Variants in NFYA observed in about 807,000 individuals in gnomAD.
NFYA encodes nuclear transcription factor Y subunit alpha.
In NFYA, 28 loss-of-function variants were observed where a neutral mutation model predicts 52.8. The ratio of observed to expected loss-of-function variants is 0.53; its 90% CI spans 0.39 to 0.73. The LOEUF (loss-of-function observed/expected upper bound fraction) is 0.73, where lower values mean the gene tolerates loss of function less well. NFYA is among the 30% of genes least tolerant of loss of function. NFYA has a pLI of 0.00. For synonymous variants in NFYA, 150 were observed against 150.7 expected, an observed-to-expected ratio of 1.00 and a Z score of 0.03; for missense variants, 234 against 427.0, an observed-to-expected ratio of 0.55 and a Z score of 3.98.
intron 3 of NFYA, among the ~76,000 whole-genome samples, chr6:41,083,815 G>C (rs1382197031): frequency 5.3e-5 from 8 of 152,222 alleles, no homozygotes; most frequent in Admixed American, 5.2e-4. Context: ...ACTTCTCAAA[G>C]ACTCTGGATA....
At chr6:41,079,597 C>T (rs1027506307) in intron 2 of NFYA, among the ~76,000 whole-genome samples, 1 of 152,150 alleles carries the variant, frequency 6.6e-6, no homozygotes, top group Non-Finnish European at 1.5e-5. Flanking sequence ...TCTGGTTTAA[C>T]ATTAGGATAA....
At chr6:41,094,885 G>A (rs896141327) in intron 9 of NFYA, among the ~76,000 whole-genome samples, 10 of 152,150 alleles carry the variant, frequency 6.6e-5, no homozygotes, top group Non-Finnish European at 1.0e-4. Context: ...ATTCTTTCTT[G>A]AAAATCACAC....
intron 3 of NFYA, among the ~76,000 whole-genome samples, chr6:41,082,433 A>T (rs1201930591): frequency 6.6e-6 from 1 of 152,216 alleles, no homozygotes; most frequent in Admixed American, 6.5e-5. Context: ...TGTTTGATGC[A>T]TGTGTCTTTG....
At chr6:41,082,942 G>A (rs1763947468) in intron 3 of NFYA, among the ~76,000 whole-genome samples, 1 of 152,184 alleles carries the variant, frequency 6.6e-6, no homozygotes, top group Non-Finnish European at 1.5e-5. Context: ...GGCGGCGGTG[G>A]TGGTGGTGAT....
At chr6:41,074,903 C>T (rs1189773437) in intron 1 of NFYA, among the ~76,000 whole-genome samples, 1 of 152,052 alleles carries the variant, frequency 6.6e-6, no homozygotes, top group East Asian at 1.9e-4. Flanking sequence ...TCATGTGAAT[C>T]ATCTAGTGCA....
chr6:41,097,265 T>C (rs1764384813), intron 9 of NFYA, 92 bp from the exon 10 acceptor site: 3 of 1,137,786 alleles, frequency 2.6e-6, no homozygotes, highest in East Asian at 4.7e-5. Flanking sequence ...GGTAAAGTTA[T>C]GTGTATTCTC....
At position 41,082,854 on chromosome 6, in the gene NFYA, G is replaced by C. The variant is rs542573465; in HGVS notation, c.163-1192G>C. Among the ~76,000 whole-genome samples the C allele has an allele frequency of 2.6e-5, 4 of 152,262 alleles. No individual in the cohort carries two copies. In the South Asian group the frequency reaches 8.3e-4, roughly 32 times the overall value. ...AAAGTCCTTAAAAAAGTAAAGTAAAGGTTCTCAATGGACAGTTTAACAAAA... is the reference window on the plus strand; with the variant it reads ...AAAGTCCTTAAAAAAGTAAAGTAAACGTTCTCAATGGACAGTTTAACAAAA... On this transcript the variant is annotated intron_variant, in intron 3 of 9. Transcript: ENST00000341376.
rs957111216 is a variant in NFYA, at chr6:41,097,701, C to T, written c.*291C>T. On this transcript the variant is annotated 3_prime_UTR_variant, in exon 10 of 10. Transcript: ENST00000341376. ...AGACACATGCCACCCCAGCAGTACA[C>T]AAAGCACTTACCTTGACTGGTGAAG... 3.2e-6 allele frequency: 1 copy of T among 311,642 alleles called. No homozygotes were observed. The highest frequency in any genetic ancestry group is 6.1e-6 in the Non-Finnish European group (1 of 163,982). The allele number at this position is 311,642 out of a possible 1,614,324, so 19.3% of individuals were successfully genotyped here. A position where few individuals can be genotyped will look rare whatever the true frequency, so the allele number is the denominator to read the frequency against.
At chr6:41,073,826 C>G (rs1763634545) in intron 1 of NFYA, among the ~76,000 whole-genome samples, 1 of 152,160 alleles carries the variant, frequency 6.6e-6, no homozygotes, top group South Asian at 2.1e-4. Context: ...TCCGGCCCGG[C>G]GCCGTTACCA....
intron 3 of NFYA, among the ~76,000 whole-genome samples, chr6:41,082,287 T>G (rs545239718): frequency 1.3e-5 from 2 of 152,370 alleles, no homozygotes; most frequent in African/African-American, 4.8e-5. Context: ...AAAATTGTGT[T>G]CAAATCTCAC....
In NFYA at chr6:41,093,025, TAAG is replaced by T. The variant is rs1764236188; in HGVS notation, c.830_832del (p.Lys277del). 2 of 1,614,004 alleles carry T rather than the reference TAAG, an allele frequency of 1.2e-6. No individual in the cohort carries two copies. Among genetic ancestry groups the T allele is most frequent in the Non-Finnish European group, 8.5e-7 (1 of 1,180,034 alleles). ...ATGCCAAACAATACCACCGTATTCT[TAAG>T]AGGAGGCAAGCCCGAGCTAAACTAG... On this transcript the variant is annotated inframe_deletion, in exon 8 of 10. Transcript: ENST00000341376.
chr6:41,096,685 G>A (rs1475530919), intron 9 of NFYA, among the ~76,000 whole-genome samples: 2 of 152,212 alleles, frequency 1.3e-5, no homozygotes, highest in East Asian at 1.9e-4. Flanking sequence ...GGGAACTAAA[G>A]GTGGTTCTTG....
chr6:41,089,580 T>C lies in NFYA; in HGVS notation c.311T>C (p.Ile104Thr), dbSNP rs1041258137. Residue 104 changes from isoleucine to threonine, a missense_variant and splice_region_variant, in exon 5 of 10, where the codon ATA becomes ACA. By Grantham distance (89) the Ile-to-Thr change is moderately conservative. Around this residue, in one of 3 missense-constraint regions of NFYA, gnomAD observed 118 missense variants for 182.4 expected, o/e 0.65. Transcript: ENST00000341376. ...CTTTTTTTATGTTCTTTTCTGCAGA[T>C]ACAGTTGGTCCCACCTGGACAGATC... The part of the protein sequence containing the change: ...PVSGTQGLQQ[I>T]QLVPPGQIQI... 1 of 1,606,426 alleles carries C rather than the reference T, an allele frequency of 6.2e-7. No individual in the cohort carries two copies. The highest frequency in any genetic ancestry group is 1.3e-5 in the African/African-American group (1 of 74,520).
Position 41,079,469 on chromosome 6 carries a change from CTTG to C in NFYA, c.75+308_75+310del, listed in dbSNP as rs1325877058. The stretch of plus-strand genomic sequence containing the variant: ...GGATTCTATTTGGTCTTTTTCTCTT[CTTG>C]TTTGAGCTAACTTGTGATTTAGTAA... On this transcript the variant is annotated intron_variant, in intron 2 of 9. Transcript: ENST00000341376. 2.6e-5 allele frequency among the ~76,000 whole-genome samples: 4 copies of C among 152,284 alleles called. No individual in the cohort carries two copies. The South Asian group carries it at 6.2e-4, about 24-fold the overall frequency.
intron 3 of NFYA, 41 bp downstream of exon 3, chr6:41,080,938 TCTC>T (rs753673350): frequency 1.6e-4 from 239 of 1,478,680 alleles, no homozygotes; most frequent in Non-Finnish European, 2.1e-4. Flanking sequence ...TGCATGAACT[TCTC>T]CTCTCCTCAT....
intron 8 of NFYA, among the ~76,000 whole-genome samples, chr6:41,093,974 C>T (rs754911593): frequency 3.9e-5 from 6 of 152,196 alleles, no homozygotes; most frequent in Non-Finnish European, 7.3e-5. Flanking sequence ...GATTCATGAT[C>T]ATGCCACTGC....
intron 1 of NFYA, chr6:41,075,168 T>C (rs565436956): frequency 6.6e-6 from 1 of 152,342 alleles, no homozygotes; most frequent in South Asian, 2.1e-4. Context: ...AAAAAACATG[T>C]ATATTTGCCT....
chr6:41,099,360 G>A lies in NFYA; in HGVS notation c.*1950G>A, dbSNP rs967552119. 6.6e-6 allele frequency: 1 copy of A among 152,244 alleles called. No homozygotes were observed. The highest frequency in any genetic ancestry group is 1.5e-5 in the Non-Finnish European group (1 of 68,040). The allele number at this position is 152,244 out of a possible 1,614,324, so 9.4% of individuals were successfully genotyped here. A position where few individuals can be genotyped will look rare whatever the true frequency, so the allele number is the denominator to read the frequency against. ...CTCAGACCTAACTTTGAGTGCTTAA[G>A]CTGCCAACAGTTAGAAGATGCTATT... On this transcript the variant is annotated 3_prime_UTR_variant, in exon 10 of 10. Coordinates refer to ENST00000341376, the MANE Select transcript of NFYA (RefSeq NM_002505.5).
chr6:41,091,012 C>G (rs971089645), intron 6 of NFYA, among the ~76,000 whole-genome samples: 1 of 152,208 alleles, frequency 6.6e-6, no homozygotes. Flanking sequence ...CAGGGAGGCC[C>G]TGAACTGGAT....
Sources: gnomAD v4.1 joint callset for allele counts (sites outside exome capture counted in the v4.1 genomes callset) on GRCh38, gnomAD v4.1.1 for gene constraint, gnomAD v4.1.1 regional missense constraint, MANE v1.5 for transcripts, NCBI Gene and HGNC (gene_info 2026-07-23, HGNC 2026-07-21) for gene names.